ROCK1: variants seen among roughly 807,000 people sequenced by gnomAD.
ROCK1 encodes the protein rho-associated protein kinase 1.
A neutral mutation model predicts 196.8 loss-of-function variants in ROCK1; 36 were observed. That is an observed-to-expected ratio of 0.18 (90% CI 0.14 to 0.24). ROCK1 has a LOEUF of 0.24. Among genes scored for constraint, ROCK1 ranks in the 10% least tolerant of loss-of-function variants. The pLI is 1.00. For synonymous variants in ROCK1, 443 were observed against 515.9 expected (o/e 0.86, Z 1.91); for missense variants, 920 against 1,562.0 (o/e 0.59, Z 6.93).
At chr18:21,072,441 C>A (rs1237412314) in intron 1 of ROCK1, among the ~76,000 whole-genome samples, 1 of 152,146 alleles carries the variant, frequency 6.6e-6, no homozygotes, top group Non-Finnish European at 1.5e-5. Context: ...GAGAGGGATG[C>A]AGGCTTCCAT....
At chr18:21,032,657 C>CTTA (rs1425394795) in intron 9 of ROCK1, among the ~76,000 whole-genome samples, 6 of 150,170 alleles carry the variant, frequency 4.0e-5, no homozygotes, top group Non-Finnish European at 8.9e-5. Flanking sequence ...GTAGCTGGGA[C>CTTA]TATAGGAGTG....
chr18:21,042,519 G>C, intron 7 of ROCK1, 46 bp downstream of exon 7: 1 of 1,574,104 alleles, frequency 6.4e-7, no homozygotes, highest in Non-Finnish European at 8.6e-7. Context: ...GGCAAGTTTT[G>C]AGATGAACAA....
intron 22 of ROCK1, among the ~76,000 whole-genome samples, chr18:20,974,665 C>T (rs1204433141): frequency 6.6e-6 from 1 of 152,160 alleles, no homozygotes; most frequent in Non-Finnish European, 1.5e-5. Flanking sequence ...TATTCTCCTA[C>T]CTCTTAAAAG....
At chr18:21,076,119 G>T (rs2036428697) in intron 1 of ROCK1, among the ~76,000 whole-genome samples, 1 of 152,172 alleles carries the variant, frequency 6.6e-6, no homozygotes, top group Admixed American at 6.5e-5. Context: ...AAACAGAATA[G>T]AGAATGCAAA....
intron 7 of ROCK1, 50 bp from the exon 8 acceptor site, chr18:21,042,285 A>G: frequency 6.7e-7 from 1 of 1,488,774 alleles, no homozygotes. Context: ...CATTTTTAAA[A>G]AGTCAGTTTC....
In ROCK1 at chr18:21,020,259, CA is replaced by C; in HGVS notation, c.1273-21del. The C allele has an allele frequency of 7.3e-7, 1 of 1,372,788 alleles. No individual in the cohort carries two copies. The highest frequency in any genetic ancestry group is 1.0e-6 in the Non-Finnish European group (1 of 995,172). 85.0% of individuals were successfully genotyped at this position (1,372,788 alleles called of 1,614,324 possible). A position where few individuals can be genotyped will look rare whatever the true frequency, so the allele number is the denominator to read the frequency against. On this transcript the variant is annotated intron_variant, in intron 11 of 32. Transcript: ENST00000399799. ...TTCCTGCTTTAATTTAAAACAAAAACAAAAACTCATTCTACTAAGAATATTT... is the reference window on the plus strand; with the variant it reads ...TTCCTGCTTTAATTTAAAACAAAAACAAAACTCATTCTACTAAGAATATTT...
chr18:20,993,238 C>G (rs1426820454), intron 16 of ROCK1, among the ~76,000 whole-genome samples: 4 of 149,090 alleles, frequency 2.7e-5, no homozygotes, highest in Admixed American at 2.0e-4. Flanking sequence ...GAGTCTCGCT[C>G]TGTTGCCCAG....
chr18:21,084,037 T>C (rs1224562714), intron 1 of ROCK1, among the ~76,000 whole-genome samples: 1 of 152,150 alleles, frequency 6.6e-6, no homozygotes, highest in Non-Finnish European at 1.5e-5. Context: ...TGGACAGTCT[T>C]TTTAGCAAAT....
At chr18:21,048,667 A>G (rs2036180687) in intron 4 of ROCK1, among the ~76,000 whole-genome samples, 1 of 151,128 alleles carries the variant, frequency 6.6e-6, no homozygotes, top group Admixed American at 6.6e-5. Flanking sequence ...CTCCTGCTTC[A>G]GCCTCCCCAG....
intron 31 of ROCK1, among the ~76,000 whole-genome samples, chr18:20,954,463 C>A (rs1423543934): frequency 6.6e-6 from 1 of 151,192 alleles, no homozygotes; most frequent in African/African-American, 2.4e-5. Flanking sequence ...ATAGTCCCAG[C>A]TACTCAGGAG....
intron 13 of ROCK1, among the ~76,000 whole-genome samples, chr18:21,014,065 CAAAAAAAAAAA>C (rs56355855): frequency 1.4e-5 from 1 of 69,830 alleles, no homozygotes; most frequent in Non-Finnish European, 3.5e-5. Context: ...GACTCTGTCT[CAAAAAAAAAAA>C]AAAAAAAAAA....
intron 11 of ROCK1, among the ~76,000 whole-genome samples, chr18:21,021,973 A>G (rs1200002850): frequency 6.6e-6 from 1 of 152,098 alleles, no homozygotes; most frequent in Non-Finnish European, 1.5e-5. Flanking sequence ...TTAACACCAA[A>G]TGAGTACTCA....
chr18:21,110,830 C>T lies in ROCK1; in HGVS notation c.81G>A (p.Ser27=), dbSNP rs147347965. The T allele has an allele frequency of 1.7e-5, 28 of 1,613,734 alleles. No homozygotes were observed. In the African/African-American group the frequency reaches 3.3e-4, roughly 19 times the overall value. Reference sequence around the variant, plus strand: ...CAGCGCTACTCACCAGCAAACAATCCGAATTCACTTCCGATTTGGGATCCC... The same window carrying T: ...CAGCGCTACTCACCAGCAAACAATCTGAATTCACTTCCGATTTGGGATCCC... ...LLRDPKSEVN[S]DCLLDGLDAL... is the part of the protein sequence containing the mutation. Residue 27 remains serine, a synonymous_variant, in exon 1 of 33, where the codon TCG becomes TCA. Transcript: ENST00000399799.
chr18:20,959,164 T>TAATATTA (rs1555743191), intron 29 of ROCK1, among the ~76,000 whole-genome samples: 1 of 72,742 alleles, frequency 1.4e-5, no homozygotes, highest in East Asian at 4.1e-4. Flanking sequence ...ATATTATATA[T>TAATATTA]TATATAATAT....
At chr18:21,002,774 T>C (rs1370242667) in intron 16 of ROCK1, among the ~76,000 whole-genome samples, 1 of 152,154 alleles carries the variant, frequency 6.6e-6, no homozygotes. Flanking sequence ...CAGGGTCTTG[T>C]TCTGTTGCCC....
chr18:20,977,972 A>G (rs1598515205), intron 22 of ROCK1, among the ~76,000 whole-genome samples: 1 of 152,220 alleles, frequency 6.6e-6, no homozygotes, highest in East Asian at 1.9e-4. Context: ...CCACCGAATT[A>G]GTATGTTTAT....
intron 1 of ROCK1, 98 bp downstream of exon 1, chr18:21,110,720 T>C: frequency 1.1e-5 from 10 of 915,456 alleles, no homozygotes; most frequent in Non-Finnish European, 1.8e-5. Flanking sequence ...CCAAGACGAT[T>C]ATGCACACCT....
At position 21,067,429 on chromosome 18, in the gene ROCK1, C is replaced by G. The variant is rs541963803; in HGVS notation, c.175+3103G>C. ...TGAGACAAAGTCTTGCTCTGTCGCC[C>G]AGGCTGGAGTGCAGTGGTGCAATCT... On this transcript the variant is annotated intron_variant, in intron 2 of 32. Transcript: ENST00000399799. Among the ~76,000 whole-genome samples the G allele has an allele frequency of 3.3e-5, 5 of 149,528 alleles. No individual in the cohort carries two copies. In the South Asian group the frequency reaches 1.1e-3, roughly 32 times the overall value.
intron 16 of ROCK1, among the ~76,000 whole-genome samples, chr18:21,002,222 G>A (rs1297009744): frequency 1.3e-5 from 2 of 152,204 alleles, no homozygotes; most frequent in East Asian, 1.9e-4. Context: ...AAAAGGAACC[G>A]GAGTTCCTAG....
Sources: gnomAD v4.1 joint callset for allele counts (sites outside exome capture counted in the v4.1 genomes callset) on GRCh38, gnomAD v4.1.1 for gene constraint, MANE v1.5 for transcripts, NCBI Gene and HGNC (gene_info 2026-07-23, HGNC 2026-07-21) for gene names.